The following GRID1 variants were observed in gnomAD, a reference collection of about 807,000 sequenced individuals.
The protein encoded by GRID1 is glutamate ionotropic receptor delta type subunit 1, also known as glutamate receptor ionotropic, delta-1.
Under a neutral mutation model 98.0 loss-of-function variants are expected in GRID1, and 28 were observed. That is an observed-to-expected ratio of 0.29 (90% CI 0.21 to 0.39). GRID1 has a LOEUF of 0.39. GRID1 is among the 10% of genes least tolerant of loss of function. The pLI is 1.00. For synonymous variants in GRID1, 553 were observed against 538.5 expected, an observed-to-expected ratio of 1.03 and a Z score of -0.37; for missense variants, 1,111 against 1,340.5, an observed-to-expected ratio of 0.83 and a Z score of 2.67.
At chr10:86,207,662 C>T (rs1313234897) in intron 2 of GRID1, among the ~76,000 whole-genome samples, 6 of 96,500 alleles carry the variant, frequency 6.2e-5, no homozygotes, top group South Asian at 3.7e-4. Flanking sequence ...GACGGAGTTT[C>T]GCTCTGTCGC....
chr10:86,330,858 G>C (rs1848130692), intron 2 of GRID1, among the ~76,000 whole-genome samples: 1 of 152,248 alleles, frequency 6.6e-6, no homozygotes, highest in African/African-American at 2.4e-5. Flanking sequence ...CCTGGCAGGT[G>C]ATGGCTCATC....
At chr10:85,992,295 G>T (rs1279497953) in intron 4 of GRID1, among the ~76,000 whole-genome samples, 3 of 152,164 alleles carry the variant, frequency 2.0e-5, no homozygotes, top group African/African-American at 7.2e-5. Context: ...ATTTTCTACA[G>T]CAACACTCAG....
chr10:86,275,699 A>G (rs1202120632), intron 2 of GRID1, among the ~76,000 whole-genome samples: 2 of 152,166 alleles, frequency 1.3e-5, no homozygotes, highest in East Asian at 3.8e-4. Flanking sequence ...GAACTTAAAG[A>G]TAGGACAACT....
intron 2 of GRID1, among the ~76,000 whole-genome samples, chr10:86,312,938 C>T (rs1847851377): frequency 6.6e-6 from 1 of 152,236 alleles, no homozygotes; most frequent in African/African-American, 2.4e-5. Context: ...CTCAGGCACG[C>T]CTCAAGGATG....
rs7084142 is a variant in GRID1 at position 85,685,072 on chromosome 10, C to G, written c.1998-37675G>C. On this transcript the variant is annotated intron_variant, in intron 12 of 15. Transcript: ENST00000327946. Reference sequence around the variant, plus strand: ...AGCACCCATGATAGCTTTTATTCAACATTGTACTGGAGGTATTATTTCTTT... The same window carrying G: ...AGCACCCATGATAGCTTTTATTCAAGATTGTACTGGAGGTATTATTTCTTT... Among the ~76,000 whole-genome samples, 121 of 152,234 alleles carry G rather than the reference C, an allele frequency of 7.9e-4. 1 individual carries two copies. Among genetic ancestry groups the G allele is most frequent in the African/African-American group, 2.7e-3 (114 of 41,558 alleles).
intron 4 of GRID1, among the ~76,000 whole-genome samples, chr10:85,960,991 G>A (rs1034244828): frequency 2.0e-5 from 3 of 151,886 alleles, no homozygotes; most frequent in Non-Finnish European, 2.9e-5. Context: ...AGAGTCGCAC[G>A]GAGGCTGGCA....
rs530146324 is a variant in GRID1, at chr10:86,298,825, C to G, written c.235+65116G>C. ...TCTATCCAGTTTGTGTCTGGAGGCC[C>G]GGTGCTGAGCTCTGGCCTGGTATAA... On this transcript the variant is annotated intron_variant, in intron 2 of 15. Transcript: ENST00000327946. Among the ~76,000 whole-genome samples the G allele has an allele frequency of 3.3e-5, 5 of 152,248 alleles. No homozygotes were observed. In the South Asian group the frequency reaches 8.3e-4, roughly 25 times the overall value.
intron 4 of GRID1, among the ~76,000 whole-genome samples, chr10:86,095,502 T>C (rs1178417702): frequency 6.6e-6 from 1 of 150,418 alleles, no homozygotes; most frequent in East Asian, 1.9e-4. Flanking sequence ...CTCAAACAAA[T>C]CAGTAAGAAA....
At chr10:85,972,163 T>A (rs1842416369) in intron 4 of GRID1, among the ~76,000 whole-genome samples, 1 of 151,904 alleles carries the variant, frequency 6.6e-6, no homozygotes, top group South Asian at 2.1e-4. Context: ...TTTTTCTTTT[T>A]TTTTTTTAAC....
At chr10:86,282,671 G>C (rs547307118) in intron 2 of GRID1, among the ~76,000 whole-genome samples, 2 of 152,248 alleles carry the variant, frequency 1.3e-5, no homozygotes, top group African/African-American at 4.8e-5. Context: ...GTTACAGAGA[G>C]TGCTGGCCTC....
In GRID1 at chr10:86,340,864, G is replaced by C. The variant is rs1013904914; in HGVS notation, c.235+23077C>G. Among the ~76,000 whole-genome samples, 35 of 152,094 alleles carry C rather than the reference G, an allele frequency of 2.3e-4. 1 individual carries two copies. Among genetic ancestry groups the C allele is most frequent in the African/African-American group, 7.5e-4 (31 of 41,398 alleles). ...GACAAACACCTGGAGGGTGTCAAGG[G>C]AGGAAGAGAAAGGCCTTCACTCTGC... is the stretch of plus-strand genomic sequence containing the variant. On this transcript the variant is annotated intron_variant, in intron 2 of 15. Transcript: ENST00000327946.
intron 2 of GRID1, among the ~76,000 whole-genome samples, chr10:86,347,945 A>G (rs1848410667): frequency 6.6e-6 from 1 of 152,162 alleles, no homozygotes; most frequent in South Asian, 2.1e-4. Flanking sequence ...CCTATGTGCC[A>G]CAGGGTGCGA....
Position 85,916,392 on chromosome 10 carries a change from T to C in GRID1, c.727-153A>G, listed in dbSNP as rs116338991. ...CCCCTGGGGCCTGCTCTGGCTGCCT[T>C]AGCTGCAAGAAGCTTCATCTGAACA... is the stretch of plus-strand genomic sequence containing the variant. On this transcript the variant is annotated intron_variant, in intron 4 of 15. Coordinates refer to ENST00000327946, the MANE Select transcript of GRID1 (RefSeq NM_017551.3). The surrounding 1 kb of genome is among the most constrained non-coding windows in gnomAD (Gnocchi z 4.0). Among the ~76,000 whole-genome samples, 350 of 152,318 alleles carry C rather than the reference T, an allele frequency of 2.3e-3. 3 individuals carry two copies. The highest frequency in any genetic ancestry group is 7.9e-3 in the African/African-American group (329 of 41,572).
intron 8 of GRID1, among the ~76,000 whole-genome samples, chr10:85,832,225 G>T (rs887358407): frequency 2.0e-4 from 31 of 152,134 alleles, no homozygotes; most frequent in African/African-American, 7.5e-4. Context: ...GAATTATTCT[G>T]AACATTTAAG....
intron 3 of GRID1, among the ~76,000 whole-genome samples, chr10:86,193,913 C>T (rs561368516): frequency 1.3e-5 from 2 of 152,152 alleles, no homozygotes; most frequent in East Asian, 3.9e-4. Context: ...ATCCTCAAAT[C>T]GCTTCTCACA....
intron 8 of GRID1, among the ~76,000 whole-genome samples, chr10:85,802,838 AACACACACACACACACACACACACAC>A (rs59101010): frequency 8.3e-6 from 1 of 120,878 alleles, no homozygotes; most frequent in African/African-American, 3.2e-5. Flanking sequence ...AAGCAGAATA[AACACACACACACACACACACACACAC>A]ACACACACAC....
intron 8 of GRID1, among the ~76,000 whole-genome samples, chr10:85,806,818 T>C (rs559921387): frequency 1.3e-5 from 2 of 152,172 alleles, no homozygotes; most frequent in South Asian, 4.1e-4. Context: ...GAGAACTTTT[T>C]AGTGTCATGG....
At chr10:85,967,505 G>C (rs1842352529) in intron 4 of GRID1, among the ~76,000 whole-genome samples, 2 of 152,116 alleles carry the variant, frequency 1.3e-5, no homozygotes, top group South Asian at 4.1e-4. Context: ...TGTCCCATGG[G>C]GGACAGTTGT....
At chr10:85,664,158 C>A (rs932042892) in intron 12 of GRID1, among the ~76,000 whole-genome samples, 6 of 152,170 alleles carry the variant, frequency 3.9e-5, no homozygotes, top group African/African-American at 1.2e-4. Flanking sequence ...AGGATCATAA[C>A]CTCCTTGGGC....
Sources: gnomAD v4.1 joint callset for allele counts (sites outside exome capture counted in the v4.1 genomes callset) on GRCh38, gnomAD v4.1.1 for gene constraint, Gnocchi (gnomAD v3.1) non-coding constraint, MANE v1.5 for transcripts, NCBI Gene and HGNC (gene_info 2026-07-23, HGNC 2026-07-21) for gene names.